Variants in MYO6 observed in about 807,000 individuals in gnomAD.
MYO6 encodes myosin VI.
A neutral mutation model predicts 178.7 loss-of-function variants in MYO6; 74 were observed. The ratio of observed to expected loss-of-function variants is 0.41; its 90% CI spans 0.34 to 0.50. MYO6 has a LOEUF of 0.50. MYO6 is among the 20% of genes least tolerant of loss of function. The pLI, the probability that MYO6 is intolerant of heterozygous loss-of-function variation, is 0.09. For synonymous variants in MYO6, 477 were observed against 504.6 expected, an observed-to-expected ratio of 0.95 and a Z score of 0.73; for missense variants, 1,330 against 1,547.4, an observed-to-expected ratio of 0.86 and a Z score of 2.36.
chr6:75,779,547 A>G (rs534685198), intron 1 of MYO6, among the ~76,000 whole-genome samples: 20 of 152,174 alleles, frequency 1.3e-4, no homozygotes, highest in Non-Finnish European at 2.2e-4. Flanking sequence ...AAAAAAATGC[A>G]TTTTGAGACA....
intron 29 of MYO6, among the ~76,000 whole-genome samples, chr6:75,897,394 G>A (rs1779386779): frequency 1.3e-5 from 2 of 152,156 alleles, no homozygotes; most frequent in Admixed American, 1.3e-4. Flanking sequence ...GTCCTTCACT[G>A]TCAGCTTTGA....
intron 1 of MYO6, among the ~76,000 whole-genome samples, chr6:75,764,416 A>G (rs530281904): frequency 1.3e-5 from 2 of 152,190 alleles, no homozygotes; most frequent in South Asian, 4.2e-4. Flanking sequence ...ATTCTTACCC[A>G]TCTTTCACTA....
intron 1 of MYO6, among the ~76,000 whole-genome samples, chr6:75,799,389 TAAAA>T (rs11358717): frequency 1.5e-5 from 2 of 133,720 alleles, no homozygotes; most frequent in African/African-American, 2.7e-5. Context: ...AAACTCTGTC[TAAAA>T]AAAAAAAAAA....
intron 9 of MYO6, among the ~76,000 whole-genome samples, chr6:75,843,661 A>G (rs1328807599): frequency 1.3e-5 from 2 of 152,202 alleles, no homozygotes; most frequent in African/African-American, 4.8e-5. Flanking sequence ...TTATTCTGCT[A>G]AGTAAAAGAG....
intron 16 of MYO6, among the ~76,000 whole-genome samples, chr6:75,865,579 G>A (rs1776596306): frequency 6.6e-6 from 1 of 151,178 alleles, no homozygotes; most frequent in Non-Finnish European, 1.5e-5. Flanking sequence ...TGCTCAGGCT[G>A]GTCTCAAACT....
rs1172801367 is a variant in MYO6, at chr6:75,787,730, CTATA to C, written c.-47-29743_-47-29740del. On this transcript the variant is annotated intron_variant, in intron 1 of 34. Coordinates refer to ENST00000369977, the MANE Select transcript of MYO6 (RefSeq NM_004999.4). ...TCTCTCTCTCTCTCTCTCTCTCTCT[CTATA>C]TATATATATATATATATATATATAT... 9.4e-3 allele frequency among the ~76,000 whole-genome samples: 109 copies of C among 11,624 alleles called. 4 individuals are homozygous for C. The highest frequency in any genetic ancestry group is 0.022 in the East Asian group (10 of 456). The allele number at this position is 11,624 out of a possible 152,430, so 7.6% of individuals were successfully genotyped here. A position where few individuals can be genotyped will look rare whatever the true frequency, so the allele number is the denominator to read the frequency against.
intron 9 of MYO6, among the ~76,000 whole-genome samples, chr6:75,843,073 C>T (rs1218678897): frequency 6.6e-6 from 1 of 152,146 alleles, no homozygotes; most frequent in Non-Finnish European, 1.5e-5. Flanking sequence ...TATGCAGGCA[C>T]AACACACCCA....
intron 11 of MYO6, among the ~76,000 whole-genome samples, chr6:75,850,698 A>G (rs1399497720): frequency 1.3e-5 from 2 of 152,234 alleles, no homozygotes; most frequent in East Asian, 3.8e-4. Flanking sequence ...GACCTTAGGC[A>G]GGGAACTTAG....
chr6:75,780,377 G>A (rs894300417), intron 1 of MYO6, among the ~76,000 whole-genome samples: 8 of 152,206 alleles, frequency 5.3e-5, no homozygotes, highest in Admixed American at 3.9e-4. Context: ...AGGAGGCGGA[G>A]ATTGCAGTGA....
At chr6:75,828,484 C>A (rs1460964331) in intron 3 of MYO6, 56 bp from the exon 4 acceptor site, 2 of 1,057,752 alleles carry the variant, frequency 1.9e-6, no homozygotes, top group Admixed American at 1.7e-5. Context: ...GATAGTATTG[C>A]TTTATTTTAT....
intron 6 of MYO6, among the ~76,000 whole-genome samples, chr6:75,833,846 A>G (rs1034879855): frequency 6.6e-5 from 10 of 152,172 alleles, no homozygotes; most frequent in Admixed American, 2.0e-4. Context: ...GAAAAGGTTG[A>G]CTTTTAATAC....
chr6:75,805,021 A>ATATATATATATATTTTTTTTTT (rs1252912172), intron 1 of MYO6, among the ~76,000 whole-genome samples: 5 of 77,314 alleles, frequency 6.5e-5, no homozygotes, highest in African/African-American at 4.1e-4. Flanking sequence ...ATATATATAT[A>ATATATATATATATTTTTTTTTT]TTTTTTTTTT....
chr6:75,810,849 G>C (rs1329090018), intron 1 of MYO6, among the ~76,000 whole-genome samples: 1 of 152,164 alleles, frequency 6.6e-6, no homozygotes, highest in Non-Finnish European at 1.5e-5. Flanking sequence ...GTTGGTCAAG[G>C]AGAGAGTCTT....
intron 1 of MYO6, among the ~76,000 whole-genome samples, chr6:75,768,314 G>C (rs1043853665): frequency 2.0e-5 from 3 of 150,674 alleles, no homozygotes; most frequent in African/African-American, 7.3e-5. Flanking sequence ...TTTCCTCCAA[G>C]TGTAAATAAT....
At chr6:75,897,686 A>G (rs1249133569) in intron 29 of MYO6, among the ~76,000 whole-genome samples, 1 of 152,240 alleles carries the variant, frequency 6.6e-6, no homozygotes, top group Non-Finnish European at 1.5e-5. Flanking sequence ...GAAATAAGTT[A>G]AAGAAGTGTT....
intron 1 of MYO6, among the ~76,000 whole-genome samples, chr6:75,795,953 A>G (rs1449088619): frequency 1.3e-5 from 2 of 152,240 alleles, no homozygotes; most frequent in African/African-American, 4.8e-5. Context: ...TTTATGACAC[A>G]AAGTCCCATA....
At chr6:75,895,095 G>T in intron 28 of MYO6, 136 bp from the exon 29 acceptor site, 2 of 658,824 alleles carry the variant, frequency 3.0e-6, no homozygotes, top group Non-Finnish European at 5.1e-6. Flanking sequence ...AAAATTCTGA[G>T]TGATCTCATG....
In MYO6 at chr6:75,858,969, T is replaced by G. The variant is rs1775958306; in HGVS notation, c.1449T>G (p.Phe483Leu). 1 of 1,606,608 alleles carries G rather than the reference T, an allele frequency of 6.2e-7. No individual in the cohort carries two copies. The highest frequency in any genetic ancestry group is 8.5e-7 in the Non-Finnish European group (1 of 1,173,888). ...ATTGCAATGAAAAACTTCAACAATT[T>G]TTTAATGAAAGGATTCTGAAGGAGG... Reference protein sequence around the residue: ...INYCNEKLQQFFNERILKEEQ... With the variant: ...INYCNEKLQQLFNERILKEEQ... The change falls in exon 14 of 35, where the codon TTT (phenylalanine) becomes TTG (leucine). Residue 483 changes from phenylalanine to leucine, a missense_variant. Physicochemically the swap from Phe to Leu is conservative, Grantham distance 22. Transcript: ENST00000369977.
intron 1 of MYO6, among the ~76,000 whole-genome samples, chr6:75,801,024 CA>C (rs1480653686): frequency 5.3e-5 from 8 of 152,008 alleles, no homozygotes; most frequent in Admixed American, 1.3e-4. Flanking sequence ...TGCCTGGCCA[CA>C]TGGGGCGTTA....
Sources: gnomAD v4.1 joint callset for allele counts (sites outside exome capture counted in the v4.1 genomes callset) on GRCh38, gnomAD v4.1.1 for gene constraint, MANE v1.5 for transcripts, NCBI Gene and HGNC (gene_info 2026-07-23, HGNC 2026-07-21) for gene names.